ZEB1: variants seen among roughly 807,000 people sequenced by gnomAD.
ZEB1 encodes the protein zinc finger E-box-binding homeobox 1.
ZEB1 carries 21 observed loss-of-function variants against 84.9 expected under a neutral mutation model. The ratio of observed to expected loss-of-function variants is 0.25; its 90% CI spans 0.18 to 0.36. The LOEUF (loss-of-function observed/expected upper bound fraction) is 0.36. Ranked by LOEUF, ZEB1 falls within the 10% of genes least tolerant of loss-of-function variation. The pLI is 1.00. For synonymous variants in ZEB1, 420 were observed against 471.1 expected (o/e 0.89, Z 1.41); for missense variants, 1,104 against 1,330.2 (o/e 0.83, Z 2.65).
At chr10:31,403,965 T>A (rs1473616767) in intron 1 of ZEB1, among the ~76,000 whole-genome samples, 1 of 152,104 alleles carries the variant, frequency 6.6e-6, no homozygotes, top group African/African-American at 2.4e-5. Flanking sequence ...AGATTGCTGC[T>A]GGAAATTCAC....
chr10:31,498,447 C>T (rs949761532), intron 3 of ZEB1, among the ~76,000 whole-genome samples: 5 of 151,950 alleles, frequency 3.3e-5, no homozygotes, highest in Non-Finnish European at 5.9e-5. Context: ...ATGATGTTCA[C>T]CTTGCAGGAC....
At chr10:31,505,230 A>G (rs1346757137) in intron 4 of ZEB1, among the ~76,000 whole-genome samples, 1 of 152,062 alleles carries the variant, frequency 6.6e-6, no homozygotes, top group African/African-American at 2.4e-5. Flanking sequence ...CATCAGGGAT[A>G]TTGACCTGGA....
At chr10:31,426,553 A>G (rs1383133289) in intron 1 of ZEB1, among the ~76,000 whole-genome samples, 1 of 152,098 alleles carries the variant, frequency 6.6e-6, no homozygotes, top group Non-Finnish European at 1.5e-5. Context: ...AGTACAGAGA[A>G]CTCTCATGTT....
chr10:31,523,837 A>G, intron 7 of ZEB1, 96 bp from the exon 8 acceptor site: 2 of 1,389,216 alleles, frequency 1.4e-6, no homozygotes, highest in Non-Finnish European at 2.0e-6. Context: ...GTATAAAAGT[A>G]TAAGTTAAAG....
chr10:31,403,627 A>G (rs1242288510), intron 1 of ZEB1, among the ~76,000 whole-genome samples: 1 of 152,062 alleles, frequency 6.6e-6, no homozygotes, highest in Non-Finnish European at 1.5e-5. Flanking sequence ...TCTGCTAGCT[A>G]AGACAAAATA....
intron 4 of ZEB1, among the ~76,000 whole-genome samples, chr10:31,507,355 C>T (rs1428471033): frequency 1.3e-5 from 2 of 152,066 alleles, no homozygotes; most frequent in Non-Finnish European, 2.9e-5. Flanking sequence ...GCTGAGCTTT[C>T]TGTATCTGGA....
chr10:31,397,791 C>G (rs1482320579), intron 1 of ZEB1, among the ~76,000 whole-genome samples: 2 of 152,052 alleles, frequency 1.3e-5, no homozygotes, highest in East Asian at 3.8e-4. Flanking sequence ...CCCTCAAAGT[C>G]TATGGTATTT....
At chr10:31,483,447 A>T (rs1429825601) in intron 2 of ZEB1, among the ~76,000 whole-genome samples, 2 of 152,044 alleles carry the variant, frequency 1.3e-5, no homozygotes, top group African/African-American at 4.8e-5. Flanking sequence ...CCAACAGAAA[A>T]ATACATATAC....
chr10:31,380,534 C>T (rs528433947), intron 1 of ZEB1, among the ~76,000 whole-genome samples: 29 of 151,942 alleles, frequency 1.9e-4, no homozygotes, highest in South Asian at 1.0e-3. Flanking sequence ...TCTTTCCTCC[C>T]GTGGGAAAAG....
At chr10:31,330,101 CTT>C (rs1311655546) in intron 1 of ZEB1, among the ~76,000 whole-genome samples, 2 of 152,110 alleles carry the variant, frequency 1.3e-5, no homozygotes, top group Non-Finnish European at 2.9e-5. Context: ...TCTGAGAAAT[CTT>C]TGCCTATTCC....
chr10:31,366,244 G>T (rs1192955194), intron 1 of ZEB1, among the ~76,000 whole-genome samples: 1 of 152,012 alleles, frequency 6.6e-6, no homozygotes, highest in Non-Finnish European at 1.5e-5. Context: ...GGAAGTTCCA[G>T]AAAAAAACAG....
intron 1 of ZEB1, among the ~76,000 whole-genome samples, chr10:31,445,190 GTT>G (rs1564887042): frequency 1.4e-5 from 2 of 145,324 alleles, no homozygotes; most frequent in African/African-American, 5.7e-5. Flanking sequence ...GTGAATGGGA[GTT>G]CACTCATGAT....
chr10:31,445,672 A>C (rs2059667046), intron 1 of ZEB1, among the ~76,000 whole-genome samples: 1 of 147,896 alleles, frequency 6.8e-6, no homozygotes, highest in Non-Finnish European at 1.5e-5. Context: ...TATTGAGATA[A>C]TCATGTGGTT....
At chr10:31,318,863 G>C (rs945319927), upstream of ZEB1, 1 of 350,882 alleles carries the variant, frequency 2.8e-6, no homozygotes, top group Non-Finnish European at 5.6e-6. Context: ...TGGCCAGCGC[G>C]GAGGCAGGAC....
intron 1 of ZEB1, among the ~76,000 whole-genome samples, chr10:31,440,416 A>G (rs2058786130): frequency 6.6e-6 from 1 of 152,182 alleles, no homozygotes; most frequent in Non-Finnish European, 1.5e-5. Context: ...TCAAAATAAT[A>G]AGAGCTATTT....
At chr10:31,473,401 C>A (rs2063570414) in intron 2 of ZEB1, among the ~76,000 whole-genome samples, 1 of 152,002 alleles carries the variant, frequency 6.6e-6, no homozygotes, top group South Asian at 2.1e-4. Context: ...CACAAGCATT[C>A]TTATACACCA....
At chr10:31,502,586 G>C in intron 4 of ZEB1, 77 bp downstream of exon 4, 4 of 1,585,632 alleles carry the variant, frequency 2.5e-6, no homozygotes, top group Non-Finnish European at 2.6e-6. Context: ...ATGGGAACCT[G>C]CTCTACTATA....
In ZEB1 at chr10:31,392,407, T is replaced by A. The variant is rs568473260; in HGVS notation, c.59-68630T>A. On this transcript the variant is annotated intron_variant, in intron 1 of 8. Transcript: ENST00000424869. Reference sequence around the variant, plus strand: ...ACACTGGGCATTATTGGGACAGTTTTAGGTTCTGAACCCTAGTTAAAGAAA... The same window carrying A: ...ACACTGGGCATTATTGGGACAGTTTAAGGTTCTGAACCCTAGTTAAAGAAA... 5.9e-5 allele frequency among the ~76,000 whole-genome samples: 9 copies of A among 152,288 alleles called. No homozygotes were observed. The South Asian group carries it at 1.9e-3, about 32-fold the overall frequency.
intron 1 of ZEB1, among the ~76,000 whole-genome samples, chr10:31,457,169 T>G (rs1224940713): frequency 6.6e-6 from 1 of 152,202 alleles, no homozygotes; most frequent in Non-Finnish European, 1.5e-5. Flanking sequence ...AACTATACTA[T>G]ATTTTCAGCC....
Sources: gnomAD v4.1 joint callset for allele counts (sites outside exome capture counted in the v4.1 genomes callset) on GRCh38, gnomAD v4.1.1 for gene constraint, MANE v1.5 for transcripts, NCBI Gene and HGNC (gene_info 2026-07-23, HGNC 2026-07-21) for gene names.